ABL2: variants seen among roughly 807,000 people sequenced by gnomAD.
The protein encoded by ABL2 is ABL proto-oncogene 2, non-receptor tyrosine kinase, also known as tyrosine-protein kinase ABL2.
ABL2 carries 49 observed loss-of-function variants against 107.7 expected under a neutral mutation model. That is an observed-to-expected ratio of 0.45 (90% CI 0.36 to 0.58). The LOEUF (loss-of-function observed/expected upper bound fraction) is 0.58, where lower values mean the gene tolerates loss of function less well. Among genes scored for constraint, ABL2 ranks in the 20% least tolerant of loss-of-function variants. The pLI is 0.00. For missense variants in ABL2, 1,245 were observed against 1,457.0 expected (o/e 0.85, Z 2.37); for synonymous variants, 549 against 548.6 (o/e 1.00, Z -0.01).
At position 179,114,964 on chromosome 1, in the gene ABL2, G is replaced by A. The variant is rs1654482946; in HGVS notation, c.1475C>T (p.Ser492Phe). The change falls in exon 9 of 12, where the codon TCT becomes TTT. Residue 492 changes from serine (S) to phenylalanine (F), a missense_variant. Transcript: ENST00000502732. ...GMSPYPGIDL[S>F]QVYDLLEKGY... is the part of the protein sequence containing the mutation. ...TTTTTCTAGTAGGTCATAGACCTGA[G>A]ACAGGTCAATACCTGGATATGGTGA... The A allele has an allele frequency of 6.2e-7, 1 of 1,611,716 alleles. No individual in the cohort carries two copies. The highest frequency in any genetic ancestry group is 8.5e-7 in the Non-Finnish European group (1 of 1,178,842).
intron 1 of ABL2, chr1:179,184,427 AC>A: frequency 2.0e-6 from 2 of 995,728 alleles, no homozygotes; most frequent in Non-Finnish European, 3.0e-6. Context: ...AGCATGAGGC[AC>A]CAGAGAGCTT....
At chr1:179,162,704 A>G (rs934890073) in intron 1 of ABL2, among the ~76,000 whole-genome samples, 2 of 152,254 alleles carry the variant, frequency 1.3e-5, no homozygotes, top group Non-Finnish European at 2.9e-5. Context: ...GACTAGTATT[A>G]TAGGGAATGG....
chr1:179,124,486 T>TTTTTTG (rs869136521), intron 4 of ABL2, among the ~76,000 whole-genome samples: 2 of 146,520 alleles, frequency 1.4e-5, no homozygotes, highest in South Asian at 2.2e-4. Context: ...TTTTTTTTTT[T>TTTTTTG]GAGACAGAGT....
chr1:179,124,024 G>A lies in ABL2; in HGVS notation c.688-2157C>T, dbSNP rs576153296. Among the ~76,000 whole-genome samples, 37 of 152,052 alleles carry A rather than the reference G, an allele frequency of 2.4e-4. 1 individual carries two copies. The South Asian group carries it at 7.3e-3, about 30-fold the overall frequency. ...TGGGAGGCCAAGGCGGGTGGATCAC[G>A]AGGTCAGGAGATCGAGACCATCCTG... On this transcript the variant is annotated intron_variant, in intron 4 of 11. Transcript: ENST00000502732.
chr1:179,179,639 G>T (rs1005259177), intron 1 of ABL2, among the ~76,000 whole-genome samples: 1 of 152,024 alleles, frequency 6.6e-6, no homozygotes, highest in South Asian at 2.1e-4. Flanking sequence ...TGGTATCATA[G>T]AGCAAGAGTG....
At chr1:179,227,876 C>A (rs1663307581) in intron 1 of ABL2, among the ~76,000 whole-genome samples, 1 of 151,594 alleles carries the variant, frequency 6.6e-6, no homozygotes, top group South Asian at 2.1e-4. Flanking sequence ...CATAGAGAAA[C>A]CCCACCCTAC....
chr1:179,144,553 C>A (rs1657862872), intron 1 of ABL2, among the ~76,000 whole-genome samples: 1 of 152,128 alleles, frequency 6.6e-6, no homozygotes, highest in South Asian at 2.1e-4. Context: ...TATGTACCAG[C>A]CCCTGTTCTA....
intron 1 of ABL2, among the ~76,000 whole-genome samples, chr1:179,158,416 C>G (rs887738684): frequency 3.9e-5 from 6 of 152,064 alleles, no homozygotes; most frequent in Non-Finnish European, 8.8e-5. Context: ...ATGAACAGAC[C>G]ATGTGGTAAG....
At chr1:179,109,470 A>G (rs1653828536) in intron 11 of ABL2, 29 bp from the exon 12 acceptor site, 1 of 1,577,256 alleles carries the variant, frequency 6.3e-7, no homozygotes, top group Non-Finnish European at 8.6e-7. Context: ...TCAGTAACTT[A>G]AAAGACAAGA....
In ABL2 at chr1:179,108,553, G is replaced by C. The variant is rs1173055017; in HGVS notation, c.2714C>G (p.Pro905Arg). Residue 905 changes from proline (P) to arginine (R), a missense_variant, in exon 12 of 12, where the codon CCA (proline) becomes CGA (arginine). Coordinates refer to ENST00000502732, the MANE Select transcript of ABL2 (RefSeq NM_007314.4). ...CCAGCCCGGCTGCTCTCCATCCTCT[G>C]GAACTCCAGCCATCCCAAGTCGTGC... ...GGARLGMAGV[P>R]EDGEQPGWPS... The C allele has an allele frequency of 3.7e-6, 6 of 1,614,130 alleles. No homozygotes were observed. In the East Asian group the frequency reaches 1.3e-4, roughly 36 times the overall value.
chr1:179,138,882 G>T (rs532106465), intron 1 of ABL2, among the ~76,000 whole-genome samples: 3 of 152,224 alleles, frequency 2.0e-5, no homozygotes, highest in Admixed American at 2.0e-4. Context: ...CCGCGCTTGC[G>T]GGCCAGCTGG....
chr1:179,180,417 G>A lies in ABL2; in HGVS notation c.158-47043C>T, dbSNP rs565232037. 3.3e-5 allele frequency among the ~76,000 whole-genome samples: 5 copies of A among 152,278 alleles called. No individual in the cohort carries two copies. In the East Asian group the frequency reaches 9.6e-4, roughly 29 times the overall value. On this transcript the variant is annotated intron_variant, in intron 1 of 11. Coordinates refer to ENST00000502732, the MANE Select transcript of ABL2 (RefSeq NM_007314.4). ...GTTCCCTCTGAGGAGCTGCCACGAA[G>A]GTTCTAGAGGAGAGGAAGGAGCTGA... is the stretch of plus-strand genomic sequence containing the variant.
intron 1 of ABL2, among the ~76,000 whole-genome samples, chr1:179,228,595 T>C (rs548177621): frequency 1.3e-5 from 2 of 152,218 alleles, no homozygotes; most frequent in African/African-American, 2.4e-5. Context: ...TTGTGTGTCC[T>C]ACTCTGAAGC....
chr1:179,139,380 GAAGGAAGAA>G (rs920190043), intron 1 of ABL2, among the ~76,000 whole-genome samples: 7 of 152,074 alleles, frequency 4.6e-5, no homozygotes, highest in African/African-American at 1.7e-4. Flanking sequence ...GAACTCACCA[GAAGGAAGAA>G]ACTCCGAACA....
At chr1:179,175,081 G>A (rs183548444) in intron 1 of ABL2, among the ~76,000 whole-genome samples, 35 of 151,992 alleles carry the variant, frequency 2.3e-4, no homozygotes, top group African/African-American at 8.4e-4. Context: ...ACTAGGTCTT[G>A]CTATGTTGCC....
intron 11 of ABL2, 65 bp from the exon 12 acceptor site, chr1:179,109,506 C>A: frequency 6.5e-7 from 1 of 1,529,760 alleles, no homozygotes. Flanking sequence ...TTTGAGTTAC[C>A]GAGGCTGCAT....
In ABL2 at chr1:179,123,713, T is replaced by C. The variant is rs113392274; in HGVS notation, c.688-1846A>G. On this transcript the variant is annotated intron_variant, in intron 4 of 11. Transcript: ENST00000502732. ...GACACAATCATGACTCACTGCAGCC[T>C]TGACCTCCCAGGTTCAGGTGATCCT... 4.6e-3 allele frequency among the ~76,000 whole-genome samples: 705 copies of C among 152,286 alleles called. 1 individual carries two copies. The highest frequency in any genetic ancestry group is 0.012 in the South Asian group (56 of 4,826).
chr1:179,227,591 G>A (rs1208326634), intron 1 of ABL2, among the ~76,000 whole-genome samples: 1 of 152,168 alleles, frequency 6.6e-6, no homozygotes, highest in Non-Finnish European at 1.5e-5. Flanking sequence ...TTAATGCATA[G>A]TAACACTTCC....
At chr1:179,229,193 A>ACCCCC in intron 1 of ABL2, 48 bp downstream of exon 1, 2 of 307,260 alleles carry the variant, frequency 6.5e-6, no homozygotes, top group Non-Finnish European at 8.7e-6. Context: ...CCCCGACCCC[A>ACCCCC]CCCCCGGCCT....
Sources: gnomAD v4.1 joint callset for allele counts (sites outside exome capture counted in the v4.1 genomes callset) on GRCh38, gnomAD v4.1.1 for gene constraint, MANE v1.5 for transcripts, NCBI Gene and HGNC (gene_info 2026-07-23, HGNC 2026-07-21) for gene names.